The following ANKFN1 variants were observed in gnomAD, a reference collection of about 807,000 sequenced individuals.
ANKFN1 encodes ankyrin repeat and fibronectin type-III domain-containing protein 1.
A neutral mutation model predicts 108.7 loss-of-function variants in ANKFN1; 74 were observed. The observed-to-expected ratio is 0.68, with a 90% confidence interval of 0.56 to 0.83. The LOEUF is 0.83. Among genes scored for constraint, ANKFN1 ranks in the 40% least tolerant of loss-of-function variants. The pLI, the probability that ANKFN1 is intolerant of heterozygous loss-of-function variation, is 0.00. For missense variants in ANKFN1, 1,505 were observed against 1,382.3 expected, an observed-to-expected ratio of 1.09 and a Z score of -1.41; for synonymous variants, 547 against 516.2, an observed-to-expected ratio of 1.06 and a Z score of -0.81.
intron 3 of ANKFN1, among the ~76,000 whole-genome samples, chr17:56,250,551 C>T (rs1401120048): frequency 6.6e-6 from 1 of 152,228 alleles, no homozygotes; most frequent in East Asian, 1.9e-4. Context: ...AATTTCTGCA[C>T]ACAGAGTATT....
In ANKFN1 at chr17:56,515,863, G is replaced by A. The variant is rs2051901534; in HGVS notation, c.*4594G>A. On this transcript the variant is annotated 3_prime_UTR_variant, in exon 21 of 21. Coordinates refer to ENST00000682825, the MANE Select transcript of ANKFN1 (RefSeq NM_001370326.1). ...AAAACAGTTATTCAAAAGGATGGTT[G>A]GCTTTGTTTAACAATTGGATAGGTG... is the stretch of plus-strand genomic sequence containing the variant. 1.3e-5 allele frequency among the ~76,000 whole-genome samples: 2 copies of A among 152,116 alleles called. No homozygotes were observed. Among genetic ancestry groups the A allele is most frequent in the Non-Finnish European group, 2.9e-5 (2 of 68,020 alleles).
intron 1 of ANKFN1, among the ~76,000 whole-genome samples, chr17:56,184,264 C>G (rs926165063): frequency 3.9e-5 from 6 of 152,256 alleles, no homozygotes; most frequent in Non-Finnish European, 7.4e-5. Flanking sequence ...CCCACTCCAG[C>G]CTTCAGCAAC....
At chr17:56,474,992 T>A (rs914062611) in intron 15 of ANKFN1, among the ~76,000 whole-genome samples, 1 of 152,214 alleles carries the variant, frequency 6.6e-6, no homozygotes, top group Non-Finnish European at 1.5e-5. Context: ...GCTCATTAGA[T>A]GTTTCTCCCA....
rs564431912 is a variant in ANKFN1, at chr17:56,353,699, C to T, written c.391-137C>T. ...CCTAACAGAGTGTTTACTTTGGAGA[C>T]CTTGGGATAAATTGTAGTTATTCCA... On this transcript the variant is annotated intron_variant, in intron 5 of 20. Transcript: ENST00000682825. The T allele has an allele frequency of 4.2e-6, 3 of 720,920 alleles. No homozygotes were observed. The African/African-American group carries it at 5.3e-5, about 13-fold the overall frequency. The allele number at this position is 720,920 out of a possible 1,614,324, so 44.7% of individuals were successfully genotyped here. A position where few individuals can be genotyped will look rare whatever the true frequency, so the allele number is the denominator to read the frequency against.
At chr17:56,220,830 G>GT (rs1567846008) in intron 2 of ANKFN1, among the ~76,000 whole-genome samples, 2 of 43,832 alleles carry the variant, frequency 4.6e-5, no homozygotes, top group African/African-American at 4.1e-4. Context: ...AAGGAAGGAA[G>GT]GGAGGAAGGG....
chr17:56,240,150 A>G (rs1387557656), intron 3 of ANKFN1, among the ~76,000 whole-genome samples: 1 of 152,136 alleles, frequency 6.6e-6, no homozygotes, highest in Non-Finnish European at 1.5e-5. Flanking sequence ...TTAAGTCTTC[A>G]TATGCCCCCT....
At chr17:56,054,826 C>T (rs920530825) in intron 4 of ANKFN1, among the ~76,000 whole-genome samples, 3 of 152,116 alleles carry the variant, frequency 2.0e-5, no homozygotes, top group African/African-American at 7.2e-5. Flanking sequence ...GTTGAGGCTG[C>T]AGTGAGGTGT....
intron 3 of ANKFN1, among the ~76,000 whole-genome samples, chr17:56,291,074 G>A (rs1279721537): frequency 6.6e-5 from 10 of 152,150 alleles, no homozygotes; most frequent in Admixed American, 6.6e-4. Context: ...TTGAAAAGAA[G>A]AGTCTGGATC....
chr17:56,275,851 C>T (rs2043915403), intron 3 of ANKFN1, among the ~76,000 whole-genome samples: 2 of 152,028 alleles, frequency 1.3e-5, no homozygotes. Context: ...TAGATCAGCA[C>T]TGTATTTTTT....
At chr17:56,461,130 CT>C (rs1360029988) in intron 14 of ANKFN1, among the ~76,000 whole-genome samples, 1 of 152,190 alleles carries the variant, frequency 6.6e-6, no homozygotes, top group African/African-American at 2.4e-5. Flanking sequence ...CGCAAACTTT[CT>C]AAAGAAATTT....
At chr17:56,109,730 A>G (rs2143245297) in intron 4 of ANKFN1, among the ~76,000 whole-genome samples, 1 of 152,354 alleles carries the variant, frequency 6.6e-6, no homozygotes, top group Non-Finnish European at 1.5e-5. Flanking sequence ...TACAGTATTA[A>G]TACAAATTGG....
intron 17 of ANKFN1, among the ~76,000 whole-genome samples, chr17:56,481,347 A>G (rs898934663): frequency 2.0e-5 from 3 of 152,162 alleles, no homozygotes; most frequent in Non-Finnish European, 2.9e-5. Context: ...CTCCACTAAT[A>G]AGCAACTTCA....
chr17:56,491,834 T>G (rs1236151413), intron 18 of ANKFN1, among the ~76,000 whole-genome samples: 1 of 152,168 alleles, frequency 6.6e-6, no homozygotes, highest in Non-Finnish European at 1.5e-5. Context: ...TTTTTTTCTT[T>G]AAAGTGATAA....
rs371998363 is a variant in ANKFN1 at position 56,126,566 on chromosome 17, A to G, written c.288+80241A>G. The stretch of plus-strand genomic sequence containing the variant: ...TCGGCCACAGAATTCTTTCATGTCT[A>G]TTACTTTATTAAGGAATGTAAAAGC... On this transcript the variant is annotated intron_variant, in intron 4 of 12. Coordinates refer to the ANKFN1 transcript ENST00000635860. 3.9e-4 allele frequency among the ~76,000 whole-genome samples: 60 copies of G among 152,234 alleles called. 1 individual carries two copies. In the South Asian group the frequency reaches 7.9e-3, roughly 20 times the overall value.
chr17:56,068,932 T>C (rs1567780985), intron 4 of ANKFN1, among the ~76,000 whole-genome samples: 1 of 152,216 alleles, frequency 6.6e-6, no homozygotes, highest in African/African-American at 2.4e-5. Flanking sequence ...TGTATGTTGA[T>C]TCTAGAATGG....
chr17:56,353,786 A>G (rs2046307110), intron 5 of ANKFN1, 50 bp from the exon 6 acceptor site: 2 of 1,553,452 alleles, frequency 1.3e-6, no homozygotes, highest in East Asian at 2.2e-5. Context: ...TAAGCTACAA[A>G]GACACACTGG....
intron 8 of ANKFN1, among the ~76,000 whole-genome samples, chr17:56,383,010 A>T (rs988181166): frequency 5.9e-5 from 9 of 152,172 alleles, no homozygotes; most frequent in Non-Finnish European, 1.3e-4. Context: ...CTCCACCCCA[A>T]ATCAACAGAA....
chr17:56,060,549 A>G (rs745815302), intron 4 of ANKFN1, among the ~76,000 whole-genome samples: 11 of 152,168 alleles, frequency 7.2e-5, no homozygotes, highest in Non-Finnish European at 7.3e-5. Flanking sequence ...CCCATTTCAT[A>G]TGATAGTGGC....
intron 1 of ANKFN1, among the ~76,000 whole-genome samples, chr17:56,207,953 G>A (rs1293879739): frequency 6.6e-6 from 1 of 152,130 alleles, no homozygotes; most frequent in African/African-American, 2.4e-5. Context: ...CGCAAAATCT[G>A]ACTCCATCTG....
Sources: allele counts gnomAD v4.1 joint callset (sites outside exome capture counted in the v4.1 genomes callset), GRCh38; gene constraint gnomAD v4.1.1; transcripts MANE v1.5; gene names NCBI Gene and HGNC (gene_info 2026-07-23, HGNC 2026-07-21).